DST: variants seen among roughly 807,000 people sequenced by gnomAD.
DST encodes bullous pemphigoid antigen.
DST carries 253 observed loss-of-function variants against 875.2 expected under a neutral mutation model. The ratio of observed to expected loss-of-function variants is 0.29; its 90% CI spans 0.26 to 0.32. The LOEUF is 0.32. Ranked by LOEUF, DST falls within the 10% of genes least tolerant of loss-of-function variation. The probability of loss-of-function intolerance (pLI) is 1.00; values close to 1 mark genes in which losing one functional copy is unlikely to be tolerated. For synonymous variants in DST, 3,124 were observed against 3,197.1 expected (o/e 0.98, Z 0.77); for missense variants, 8,287 against 9,111.6 (o/e 0.91, Z 3.68).
chr6:56,833,991 G>A (rs2153064322), intron 4 of DST, among the ~76,000 whole-genome samples: 3 of 151,842 alleles, frequency 2.0e-5, no homozygotes, highest in Admixed American at 2.0e-4. Flanking sequence ...ACTTTAGAAA[G>A]CCAAGGCAGG....
Position 56,607,741 on chromosome 6 carries a change from C to T in DST, c.6887G>A (p.Arg2296Lys), listed in dbSNP as rs201473642. 196 of 1,613,498 alleles carry T rather than the reference C, an allele frequency of 1.2e-4. 1 individual carries two copies. In the East Asian group the frequency reaches 4.2e-3, roughly 35 times the overall value. Residue 2296 changes from arginine to lysine, a missense_variant, in exon 40 of 104, where the codon AGA becomes AAA. By Grantham distance (26) the Arg-to-Lys change is conservative. Coordinates refer to ENST00000680361, the MANE Select transcript of DST (RefSeq NM_001374736.1). Reference protein sequence around the residue: ...EPEHEETPENRKCAIDEEFNE... With the variant: ...EPEHEETPENKKCAIDEEFNE... ...AAATTCTTCATCTATAGCACACTTT[C>T]TATTTTCAGGAGTCTCTTCATGTTC...
At position 56,509,721 on chromosome 6, in the gene DST, C is replaced by T. The variant is rs770615035; in HGVS notation, c.18933G>A (p.Pro6311=). 38 of 1,613,724 alleles carry T rather than the reference C, an allele frequency of 2.4e-5. No homozygotes were observed. Among genetic ancestry groups the T allele is most frequent in the East Asian group, 8.9e-5 (4 of 44,864 alleles). ...CCCTCTGTTTAAGAGTTTCATACAACGGCTGTAGCTTTTCCATGTCTACTG... is the reference window on the plus strand; with the variant it reads ...CCCTCTGTTTAAGAGTTTCATACAATGGCTGTAGCTTTTCCATGTCTACTG... ...NVSVDMEKLQ[P]LYETLKQRGE... is the part of the protein sequence containing the mutation. Residue 6311 remains proline (P), a synonymous_variant, in exon 74 of 104, where the codon CCG becomes CCA. Coordinates refer to ENST00000680361, the MANE Select transcript of DST (RefSeq NM_001374736.1).
At chr6:56,751,289 C>A (rs1038544044) in intron 4 of DST, among the ~76,000 whole-genome samples, 1 of 151,844 alleles carries the variant, frequency 6.6e-6, no homozygotes, top group Admixed American at 6.6e-5. Context: ...ATTAAATAGA[C>A]GTCACCAATA....
chr6:56,604,159 T>G lies in DST; in HGVS notation c.10469A>C (p.Glu3490Ala). ...AGCAAGCAGTTTGTAGAAAATATTT[T>G]CAAGCTGCAGTGGAAGTACTTTAGA... The part of the protein sequence containing the change: ...ITSKVLPLQL[E>A]NIFYKLLADG... The change falls in exon 40 of 104, where the codon GAA becomes GCA. Residue 3490 changes from glutamate to alanine, a missense_variant. Glu to Ala is a moderately radical substitution (Grantham distance 107). Coordinates refer to ENST00000680361, the MANE Select transcript of DST (RefSeq NM_001374736.1). The G allele has an allele frequency of 6.3e-7, 1 of 1,592,592 alleles. No individual in the cohort carries two copies. The highest frequency in any genetic ancestry group is 1.8e-5 in the Admixed American group (1 of 56,632).
chr6:56,633,069 T>G (rs2098794610), intron 27 of DST, 32 bp from the exon 28 acceptor site: 2 of 1,587,858 alleles, frequency 1.3e-6, no homozygotes, highest in African/African-American at 1.3e-5. Context: ...TGTAATTCAT[T>G]CTATTACTCA....
chr6:56,843,050 C>T lies in DST; in HGVS notation c.625+8347G>A, dbSNP rs1044938620. On this transcript the variant is annotated intron_variant, in intron 4 of 103. Transcript: ENST00000680361. ...CTCCGCAGCCCCAGGGCAGGGACCA[C>T]ATACCTTTGTACCTCTCCAGGACAT... The T allele has an allele frequency of 4.1e-6, 6 of 1,472,942 alleles. No individual in the cohort carries two copies. In the Admixed American group the frequency reaches 9.2e-5, roughly 22 times the overall value. 91.2% of individuals were successfully genotyped at this position (1,472,942 alleles called of 1,614,324 possible). A position where few individuals can be genotyped will look rare whatever the true frequency, so the allele number is the denominator to read the frequency against.
At chr6:56,482,356 T>A in intron 89 of DST, 178 bp from the exon 90 acceptor site, 1 of 742,748 alleles carries the variant, frequency 1.3e-6, no homozygotes, top group Non-Finnish European at 1.9e-6. Context: ...AGAAAACACT[T>A]AATATATTAA....
chr6:56,741,042 CTTCTT>C (rs1033801351), intron 4 of DST, among the ~76,000 whole-genome samples: 1 of 152,066 alleles, frequency 6.6e-6, no homozygotes, highest in Non-Finnish European at 1.5e-5. Context: ...AAATAGATTT[CTTCTT>C]TTCTAAGTGA....
intron 85 of DST, among the ~76,000 whole-genome samples, chr6:56,490,701 A>G (rs1188828884): frequency 6.6e-6 from 1 of 152,188 alleles, no homozygotes; most frequent in Non-Finnish European, 1.5e-5. Flanking sequence ...TTAGAAGAAG[A>G]AGAAATAAAT....
intron 10 of DST, among the ~76,000 whole-genome samples, chr6:56,652,734 A>G (rs1336640319): frequency 1.3e-5 from 2 of 152,210 alleles, no homozygotes; most frequent in Non-Finnish European, 2.9e-5. Flanking sequence ...CATCACCTAC[A>G]TGCTCATATT....
At chr6:56,497,231 T>C (rs2095945466) in intron 82 of DST, 148 bp downstream of exon 82, 12 of 708,748 alleles carry the variant, frequency 1.7e-5, no homozygotes, top group Non-Finnish European at 2.5e-5. Context: ...AATCAATAAA[T>C]GGTGTGTTTC....
At chr6:56,782,653 G>A (rs1361450550) in intron 4 of DST, among the ~76,000 whole-genome samples, 1 of 151,830 alleles carries the variant, frequency 6.6e-6, no homozygotes, top group Admixed American at 6.6e-5. Flanking sequence ...TATCAATTTT[G>A]TTGATCCTTT....
chr6:56,671,654 G>A lies in DST; in HGVS notation c.1048-847C>T, dbSNP rs1385343458. ...GCTGATAATTATATTAAGGCACAAA[G>A]TGACTTTACCAGGGGTCACACAGTA... is the stretch of plus-strand genomic sequence containing the variant. On this transcript the variant is annotated intron_variant, in intron 9 of 103. Transcript: ENST00000680361. Among the ~76,000 whole-genome samples, 4 of 152,150 alleles carry A rather than the reference G, an allele frequency of 2.6e-5. No homozygotes were observed. In the East Asian group the frequency reaches 7.7e-4, roughly 29 times the overall value.
chr6:56,854,009 A>C (rs1367842336), intron 3 of DST, among the ~76,000 whole-genome samples: 1 of 152,252 alleles, frequency 6.6e-6, no homozygotes, highest in African/African-American at 2.4e-5. Context: ...TTTAACAATT[A>C]AAGTATCGGA....
intron 2 of DST, among the ~76,000 whole-genome samples, chr6:56,912,274 C>T (rs1054746841): frequency 6.6e-6 from 1 of 152,150 alleles, no homozygotes; most frequent in East Asian, 1.9e-4. Flanking sequence ...TAAGACATTC[C>T]CCAGTCTCTA....
At chr6:56,937,189 A>C (rs1467709277) in intron 2 of DST, among the ~76,000 whole-genome samples, 1 of 152,140 alleles carries the variant, frequency 6.6e-6, no homozygotes, top group Non-Finnish European at 1.5e-5. Context: ...GACTTATTAA[A>C]ATTTTTTAAC....
At chr6:56,789,056 T>C (rs772799668) in intron 4 of DST, among the ~76,000 whole-genome samples, 27 of 152,208 alleles carry the variant, frequency 1.8e-4, no homozygotes, top group Non-Finnish European at 3.2e-4. Flanking sequence ...TTTATAACCA[T>C]TAATATATAG....
chr6:56,645,651 C>T lies in DST; in HGVS notation c.1778+215G>A, dbSNP rs78502474. Among the ~76,000 whole-genome samples the T allele has an allele frequency of 0.014, 2,191 of 152,258 alleles. 118 individuals carry two copies. The East Asian group carries it at 0.2, about 14-fold the overall frequency. ...GCCTTATTAGATGAGACTTCACATA[C>T]CAATCCAGCCTAGCCGGTCATTTAT... On this transcript the variant is annotated intron_variant, in intron 15 of 103. Transcript: ENST00000680361.
chr6:56,920,473 G>A (rs915314100), intron 2 of DST, among the ~76,000 whole-genome samples: 3 of 152,096 alleles, frequency 2.0e-5, no homozygotes, highest in East Asian at 3.8e-4. Flanking sequence ...CTACAACCAG[G>A]ACATTTCTAT....
Sources: allele counts gnomAD v4.1 joint callset (sites outside exome capture counted in the v4.1 genomes callset), GRCh38; gene constraint gnomAD v4.1.1; transcripts MANE v1.5; gene names NCBI Gene and HGNC (gene_info 2026-07-23, HGNC 2026-07-21).